JADE3: variants seen among roughly 807,000 people sequenced by gnomAD.
JADE3 encodes jade family PHD finger 3.
JADE3 carries 2 observed loss-of-function variants against 50.1 expected under a neutral mutation model. That is an observed-to-expected ratio of 0.04 (90% CI 0.02 to 0.13). The LOEUF (loss-of-function observed/expected upper bound fraction) is 0.13, where lower values mean the gene tolerates loss of function less well. Among genes scored for constraint, JADE3 ranks in the 10% least tolerant of loss-of-function variants. The probability of loss-of-function intolerance (pLI) is 1.00; values close to 1 mark genes in which losing one functional copy is unlikely to be tolerated. For missense variants in JADE3, 475 were observed against 634.4 expected (o/e 0.75, Z 2.70); for synonymous variants, 218 against 232.9 (o/e 0.94, Z 0.58).
intron 8 of JADE3, among the ~76,000 whole-genome samples, chrX:47,051,064 T>G (rs1485787458): frequency 9.1e-6 from 1 of 110,416 alleles, no homozygotes; most frequent in Admixed American, 9.7e-5. Context: ...TAGGAGCTTC[T>G]TATCTGGAAG....
In JADE3 at chrX:47,043,002, C is replaced by G. The variant is rs142970241; in HGVS notation, c.972+3937C>G. On this transcript the variant is annotated intron_variant, in intron 8 of 10. Transcript: ENST00000614628. ...TCCTCCATCTCCAGGCAACTCAGCA[C>G]AGAGAGAGACTTCATTTGTTTAGAG... is the stretch of plus-strand genomic sequence containing the variant. Among the ~76,000 whole-genome samples, 111 of 111,683 alleles carry G rather than the reference C, an allele frequency of 9.9e-4. 1 individual carries two copies. The East Asian group carries it at 0.017, about 17-fold the overall frequency.
At chrX:47,037,843 T>C (rs1556368381) in intron 7 of JADE3, among the ~76,000 whole-genome samples, 2 of 111,538 alleles carry the variant, frequency 1.8e-5, no homozygotes, top group African/African-American at 6.5e-5. Context: ...TTGACTATAG[T>C]CACCCTGTTG....
intron 4 of JADE3, among the ~76,000 whole-genome samples, chrX:47,021,680 C>T (rs1480086182): frequency 2.7e-5 from 3 of 112,165 alleles, no homozygotes; most frequent in East Asian, 2.8e-4. Context: ...TTTGCATTTC[C>T]GTGATAACTA....
chrX:47,016,176 C>T (rs1928672899), intron 4 of JADE3, among the ~76,000 whole-genome samples: 1 of 110,885 alleles, frequency 9.0e-6, no homozygotes. Flanking sequence ...GAACTCACTC[C>T]TGTGGCCCAC....
chrX:47,022,393 A>G (rs782128810), intron 4 of JADE3, among the ~76,000 whole-genome samples: 86 of 112,039 alleles, frequency 7.7e-4, no homozygotes, highest in African/African-American at 2.6e-3. Context: ...TAAAAACTCC[A>G]TATAGTAGAA....
At position 47,053,438 on chromosome X, in the gene JADE3, T is replaced by C. The variant is rs191663838; in HGVS notation, c.973-720T>C. 2.1e-4 allele frequency among the ~76,000 whole-genome samples: 23 copies of C among 110,604 alleles called. 1 individual carries two copies. In the Admixed American group the frequency reaches 2.1e-3, roughly 10 times the overall value. ...CATGCCCAGAAAGCTTTTGTATTTT[T>C]AGTAGAGACAGGGTTTCGCCATGTT... On this transcript the variant is annotated intron_variant, in intron 8 of 10. Transcript: ENST00000614628.
At chrX:47,038,842 C>T (rs1556368779) in intron 7 of JADE3, 107 bp from the exon 8 acceptor site, 6 of 480,009 alleles carry the variant, frequency 1.2e-5, no homozygotes, top group Non-Finnish European at 1.8e-5. Context: ...TGTGACTTAC[C>T]TCATTGTTTT....
intron 1 of JADE3, among the ~76,000 whole-genome samples, chrX:46,949,942 G>A (rs905940910): frequency 5.4e-5 from 6 of 111,684 alleles, no homozygotes; most frequent in Non-Finnish European, 1.1e-4. Context: ...CCAAAGACTG[G>A]AAACAACCCA....
chrX:46,955,760 T>G (rs1453250083), intron 1 of JADE3, among the ~76,000 whole-genome samples: 1 of 111,299 alleles, frequency 9.0e-6, no homozygotes, highest in African/African-American at 3.3e-5. Flanking sequence ...CAGGAATCCT[T>G]GCCACAGTAT....
At chrX:47,002,941 A>G (rs188964135) in intron 4 of JADE3, among the ~76,000 whole-genome samples, 6 of 111,382 alleles carry the variant, frequency 5.4e-5, no homozygotes, top group Admixed American at 4.8e-4. Context: ...AGGGTTTTTC[A>G]TAGATATTCT....
chrX:46,992,860 T>G (rs903497743), intron 3 of JADE3, among the ~76,000 whole-genome samples: 1 of 112,042 alleles, frequency 8.9e-6, no homozygotes, highest in South Asian at 3.7e-4. Context: ...GAGAAGAGTT[T>G]CCTAGGGATA....
intron 4 of JADE3, among the ~76,000 whole-genome samples, chrX:47,002,292 A>G (rs1556359289): frequency 8.9e-6 from 1 of 111,765 alleles, no homozygotes; most frequent in African/African-American, 3.2e-5. Flanking sequence ...GATATGAGGC[A>G]TAGATCAAAG....
At chrX:47,055,515 T>C (rs782390829) in intron 9 of JADE3, among the ~76,000 whole-genome samples, 2 of 112,376 alleles carry the variant, frequency 1.8e-5, no homozygotes, top group South Asian at 7.3e-4. Flanking sequence ...AAACTATTAT[T>C]ATCATCATCA....
chrX:47,047,498 G>A (rs781946390), intron 8 of JADE3, among the ~76,000 whole-genome samples: 2 of 107,841 alleles, frequency 1.9e-5, no homozygotes, highest in East Asian at 5.8e-4. Context: ...GCGGTGAGCC[G>A]AGATCGCACC....
Position 46,998,185 on chromosome X carries a change from C to T in JADE3, c.192C>T (p.Ser64=). 2.5e-6 allele frequency: 3 copies of T among 1,202,015 alleles called. No individual in the cohort carries two copies. Among genetic ancestry groups the T allele is most frequent in the Non-Finnish European group, 3.4e-6 (3 of 887,167 alleles). The stretch of plus-strand genomic sequence containing the variant: ...ATTCTCACCACATTAATCCTGATAG[C>T]TATTACCTCTTTGCTGATACATGGA... ...LPDSHHINPD[S]YYLFADTWKE... is the part of the protein sequence containing the mutation. The change falls in exon 4 of 11, where the codon AGC becomes AGT. Residue 64 remains serine (S), a synonymous_variant. Transcript: ENST00000614628.
At chrX:46,965,356 C>T (rs1556348843) in intron 1 of JADE3, among the ~76,000 whole-genome samples, 1 of 111,479 alleles carries the variant, frequency 9.0e-6, no homozygotes, top group Non-Finnish European at 1.9e-5. Flanking sequence ...GTATTATTGG[C>T]TCACTGTCTA....
At chrX:47,038,179 C>G (rs1288054425) in intron 7 of JADE3, among the ~76,000 whole-genome samples, 1 of 111,917 alleles carries the variant, frequency 8.9e-6, no homozygotes, top group Non-Finnish European at 1.9e-5. Context: ...ACCACATTTT[C>G]TTTATCCATT....
intron 4 of JADE3, among the ~76,000 whole-genome samples, chrX:47,020,174 T>TA (rs1383756092): frequency 1.8e-5 from 2 of 110,778 alleles, no homozygotes; most frequent in Non-Finnish European, 3.8e-5. Context: ...CTGCTAAAAA[T>TA]ACAAAAATTA....
intron 8 of JADE3, among the ~76,000 whole-genome samples, chrX:47,047,280 C>T (rs1929397762): frequency 8.9e-6 from 1 of 112,318 alleles, no homozygotes; most frequent in Non-Finnish European, 1.9e-5. Context: ...GGCACGGTTG[C>T]TCATGCCTGT....
Sources: allele counts gnomAD v4.1 joint callset (sites outside exome capture counted in the v4.1 genomes callset), GRCh38; gene constraint gnomAD v4.1.1; transcripts MANE v1.5; gene names NCBI Gene and HGNC (gene_info 2026-07-23, HGNC 2026-07-21).